The following LMNB1 variants were observed in gnomAD, a reference collection of about 807,000 sequenced individuals.
LMNB1 encodes the protein lamin B1.
Under a neutral mutation model 67.1 loss-of-function variants are expected in LMNB1, and 23 were observed. The observed-to-expected ratio is 0.34, with a 90% CI of 0.25 to 0.49. The LOEUF (loss-of-function observed/expected upper bound fraction) is 0.49, where lower values mean the gene tolerates loss of function less well. Among genes scored for constraint, LMNB1 ranks in the 20% least tolerant of loss-of-function variants. The probability of loss-of-function intolerance (pLI) is 0.99; values close to 1 mark genes in which losing one functional copy is unlikely to be tolerated. For synonymous variants in LMNB1, 281 were observed against 282.9 expected (o/e 0.99, Z 0.07); for missense variants, 634 against 746.5 (o/e 0.85, Z 1.76).
chr5:126,835,391 A>T (rs1342413856), intron 10 of LMNB1, among the ~76,000 whole-genome samples: 1 of 152,236 alleles, frequency 6.6e-6, no homozygotes, highest in Non-Finnish European at 1.5e-5. Flanking sequence ...TTGTGAGGTT[A>T]TATGAAATTA....
intron 4 of LMNB1, among the ~76,000 whole-genome samples, chr5:126,811,526 G>A (rs867628896): frequency 6.6e-6 from 1 of 152,156 alleles, no homozygotes. Flanking sequence ...AAATATTGAA[G>A]TAATAAGCTT....
intron 1 of LMNB1, 112 bp from the exon 2 acceptor site, chr5:126,804,664 G>T: frequency 1.1e-6 from 1 of 935,234 alleles, no homozygotes; most frequent in Non-Finnish European, 1.6e-6. Flanking sequence ...TTTGATAGGT[G>T]ATGGGAGCCT....
intron 10 of LMNB1, among the ~76,000 whole-genome samples, chr5:126,835,411 A>G (rs1752228032): frequency 6.6e-6 from 1 of 152,232 alleles, no homozygotes; most frequent in Non-Finnish European, 1.5e-5. Flanking sequence ...AATGAGTGAT[A>G]AAGAAATGGG....
At chr5:126,796,903 C>T (rs1042243222) in intron 1 of LMNB1, among the ~76,000 whole-genome samples, 5 of 151,746 alleles carry the variant, frequency 3.3e-5, no homozygotes, top group African/African-American at 1.2e-4. Flanking sequence ...ATTCTCCTGC[C>T]TCAGCCTCCC....
At chr5:126,813,679 C>T (rs1484766896) in intron 5 of LMNB1, among the ~76,000 whole-genome samples, 1 of 152,148 alleles carries the variant, frequency 6.6e-6, no homozygotes, top group African/African-American at 2.4e-5. Context: ...TAGATGGTGC[C>T]TTCTTGCTGT....
chr5:126,785,955 A>G (rs1750769371), intron 1 of LMNB1, among the ~76,000 whole-genome samples: 1 of 151,726 alleles, frequency 6.6e-6, no homozygotes, highest in Non-Finnish European at 1.5e-5. Flanking sequence ...CAGAGGTTGC[A>G]GTGAGCCGAG....
At position 126,777,835 on chromosome 5, in the gene LMNB1, G is replaced by A. The variant is rs563194936; in HGVS notation, c.327G>A (p.Lys109=). The A allele has an allele frequency of 3.4e-6, 5 of 1,457,626 alleles. No homozygotes were observed. In the South Asian group the frequency reaches 5.5e-5, roughly 16 times the overall value. The allele number at this position is 1,457,626 out of a possible 1,614,324, so 90.3% of individuals were successfully genotyped here. A position where few individuals can be genotyped will look rare whatever the true frequency, so the allele number is the denominator to read the frequency against. ...ERAKLQIELG[K]CKAEHDQLLL... ...CCAAGCTGCAGATCGAGCTGGGCAAGTGCAAGGCGGAACACGACCAGCTGC... is the reference window on the plus strand; with the variant it reads ...CCAAGCTGCAGATCGAGCTGGGCAAATGCAAGGCGGAACACGACCAGCTGC... The change falls in exon 1 of 11, where the codon AAG becomes AAA. Residue 109 remains lysine, a synonymous_variant. Coordinates refer to ENST00000261366, the MANE Select transcript of LMNB1 (RefSeq NM_005573.4).
Position 126,804,927 on chromosome 5 carries a change from G to T in LMNB1, c.511G>T (p.Ala171Ser). 1 of 1,613,804 alleles carries T rather than the reference G, an allele frequency of 6.2e-7. No individual in the cohort carries two copies. The highest frequency in any genetic ancestry group is 8.5e-7 in the Non-Finnish European group (1 of 1,179,818). Residue 171 changes from alanine to serine, a missense_variant, in exon 2 of 11, where the codon GCC (alanine) becomes TCC (serine). Transcript: ENST00000261366. ...GDLEDLKDQI[A>S]QLEASLAAAK... The stretch of plus-strand genomic sequence containing the variant: ...TTTGGAGGATCTGAAGGATCAGATT[G>T]CCCAGGTAAGGTCAAGCCTACTCTT...
chr5:126,800,982 A>ATATATATTTTTTT, intron 1 of LMNB1, among the ~76,000 whole-genome samples: 1 of 18,624 alleles, frequency 5.4e-5, no homozygotes, highest in Non-Finnish European at 1.0e-4. Context: ...TATATATATA[A>ATATATATTTTTTT]TTTTTTTTTT....
chr5:126,790,713 T>C (rs1750931785), intron 1 of LMNB1, among the ~76,000 whole-genome samples: 2 of 152,074 alleles, frequency 1.3e-5, no homozygotes, highest in African/African-American at 2.4e-5. Context: ...TCTAGTTGTA[T>C]TGTATAAGCA....
chr5:126,777,936 C>CGA (rs1750514945), intron 1 of LMNB1, 69 bp downstream of exon 1: 1 of 1,353,910 alleles, frequency 7.4e-7, no homozygotes, highest in African/African-American at 1.5e-5. Context: ...GACCAGCTCA[C>CGA]CGGGTTCTGC....
chr5:126,821,192 T>A, intron 7 of LMNB1, 57 bp downstream of exon 7: 3 of 1,137,494 alleles, frequency 2.6e-6, no homozygotes, highest in Non-Finnish European at 4.0e-6. Flanking sequence ...TAGATTCTCT[T>A]GCAATTGTCA....
chr5:126,784,014 ATTTTTTTTT>A (rs61578729), intron 1 of LMNB1, among the ~76,000 whole-genome samples: 21 of 59,448 alleles, frequency 3.5e-4, no homozygotes, highest in African/African-American at 1.2e-3. Flanking sequence ...CTGTCATTTG[ATTTTTTTTT>A]TTTTTTTTTT....
At chr5:126,788,749 G>C (rs1193604174) in intron 1 of LMNB1, among the ~76,000 whole-genome samples, 3 of 152,106 alleles carry the variant, frequency 2.0e-5, no homozygotes, top group Non-Finnish European at 4.4e-5. Flanking sequence ...TGGTGCCTTA[G>C]GTGATTGTTG....
chr5:126,778,002 C>T, intron 1 of LMNB1, 135 bp downstream of exon 1: 2 of 782,562 alleles, frequency 2.6e-6, no homozygotes, highest in Non-Finnish European at 3.6e-6. Context: ...AACAGGGTCT[C>T]GGTCTCCGGA....
intron 10 of LMNB1, among the ~76,000 whole-genome samples, chr5:126,835,112 G>T (rs114725221): frequency 0.03 from 4,563 of 152,164 alleles, 96 homozygotes; most frequent in Middle Eastern, 0.11. Flanking sequence ...GAGGCAGTGA[G>T]GGAATATATA....
At chr5:126,817,700 G>C (rs1446873975) in intron 5 of LMNB1, among the ~76,000 whole-genome samples, 2 of 152,152 alleles carry the variant, frequency 1.3e-5, no homozygotes, top group African/African-American at 4.8e-5. Flanking sequence ...TTTTGAACCT[G>C]TACTGCTGTG....
intron 9 of LMNB1, among the ~76,000 whole-genome samples, chr5:126,827,507 A>G (rs946386268): frequency 1.3e-5 from 2 of 151,924 alleles, no homozygotes; most frequent in African/African-American, 2.4e-5. Flanking sequence ...CTAAAAACAC[A>G]AGAATTAGCC....
At position 126,777,684 on chromosome 5, in the gene LMNB1, C is replaced by T. The variant is rs1348892801; in HGVS notation, c.176C>T (p.Ala59Val). ...KVRSLETENS[A>V]LQLQVTEREE... is the part of the protein sequence containing the mutation. ...CGCAGCCTGGAGACGGAGAACAGCGCGCTGCAGCTGCAGGTGACGGAGCGC... is the reference window on the plus strand; with the variant it reads ...CGCAGCCTGGAGACGGAGAACAGCGTGCTGCAGCTGCAGGTGACGGAGCGC... The change falls in exon 1 of 11, where the codon GCG becomes GTG. Residue 59 changes from alanine to valine, a missense_variant. Transcript: ENST00000261366. 2 of 1,545,210 alleles carry T rather than the reference C, an allele frequency of 1.3e-6. No homozygotes were observed. The highest frequency in any genetic ancestry group is 1.2e-5 in the South Asian group (1 of 83,520).
Sources: gnomAD v4.1 joint callset for allele counts (sites outside exome capture counted in the v4.1 genomes callset) on GRCh38, gnomAD v4.1.1 for gene constraint, MANE v1.5 for transcripts, NCBI Gene and HGNC (gene_info 2026-07-23, HGNC 2026-07-21) for gene names.